SNTB1: variants seen among roughly 807,000 people sequenced by gnomAD.
SNTB1 encodes the protein beta-1-syntrophin.
A neutral mutation model predicts 48.9 loss-of-function variants in SNTB1; 36 were observed. That is an observed-to-expected ratio of 0.74 (90% CI 0.56 to 0.97). The LOEUF is 0.97. Among genes scored for constraint, SNTB1 ranks in the 50% least tolerant of loss-of-function variants. The pLI, the probability that SNTB1 is intolerant of heterozygous loss-of-function variation, is 0.00. For missense variants in SNTB1, 786 were observed against 703.4 expected (o/e 1.12, Z -1.33); for synonymous variants, 299 against 294.6 (o/e 1.01, Z -0.15).
intron 2 of SNTB1, among the ~76,000 whole-genome samples, chr8:120,652,812 A>G (rs1817430492): frequency 6.6e-6 from 1 of 152,174 alleles, no homozygotes; most frequent in Admixed American, 6.5e-5. Flanking sequence ...GCATTTTAAG[A>G]CTTTCTGTTG....
chr8:120,558,524 A>C (rs1815605019), intron 4 of SNTB1, among the ~76,000 whole-genome samples: 1 of 152,236 alleles, frequency 6.6e-6, no homozygotes, highest in African/African-American at 2.4e-5. Flanking sequence ...AAATCCCAGA[A>C]AGATTTTACA....
chr8:120,744,121 A>ATTTTT (rs35604534), intron 1 of SNTB1, among the ~76,000 whole-genome samples: 2 of 136,106 alleles, frequency 1.5e-5, no homozygotes, highest in South Asian at 2.6e-4. Flanking sequence ...CCCTGTCTCA[A>ATTTTT]TTTTTTTTTT....
At chr8:120,541,761 T>G in intron 6 of SNTB1, 49 bp downstream of exon 6, 27 of 1,375,514 alleles carry the variant, frequency 2.0e-5, no homozygotes, top group Non-Finnish European at 2.7e-5. Context: ...TGTTGCATAA[T>G]GAAATATTAA....
chr8:120,562,631 G>A (rs1475264099), intron 4 of SNTB1, among the ~76,000 whole-genome samples: 1 of 152,174 alleles, frequency 6.6e-6, no homozygotes, highest in Admixed American at 6.5e-5. Flanking sequence ...CTACCAGTGA[G>A]GATGCCTCCC....
chr8:120,769,162 G>A (rs1449478928), intron 1 of SNTB1: 1 of 152,136 alleles, frequency 6.6e-6, no homozygotes, highest in Admixed American at 6.5e-5. Flanking sequence ...GGGCAAAAGG[G>A]GTAGAACAAG....
intron 4 of SNTB1, chr8:120,571,390 A>G (rs1443374410): frequency 7.9e-7 from 1 of 1,265,354 alleles, no homozygotes; most frequent in African/African-American, 1.5e-5. Context: ...ACAGAAAGCA[A>G]TAGCGATTGG....
intron 3 of SNTB1, among the ~76,000 whole-genome samples, chr8:120,577,501 G>A (rs904049627): frequency 6.6e-6 from 1 of 152,122 alleles, no homozygotes; most frequent in Admixed American, 6.5e-5. Flanking sequence ...GGGGTAGGGG[G>A]AAGGGGGTTC....
At chr8:120,740,417 A>G (rs1348242140) in intron 1 of SNTB1, among the ~76,000 whole-genome samples, 1 of 152,226 alleles carries the variant, frequency 6.6e-6, no homozygotes, top group Admixed American at 6.5e-5. Flanking sequence ...ACTAATATTT[A>G]CGGAGCATTT....
At chr8:120,795,925 A>G (rs905488147) in intron 1 of SNTB1, among the ~76,000 whole-genome samples, 5 of 151,944 alleles carry the variant, frequency 3.3e-5, no homozygotes, top group African/African-American at 1.2e-4. Context: ...TAAAGCCACC[A>G]GTCTTACTGG....
chr8:120,571,027 C>T, intron 4 of SNTB1: 2 of 368,568 alleles, frequency 5.4e-6, no homozygotes, highest in Non-Finnish European at 8.9e-6. Flanking sequence ...TTTTTCACCT[C>T]TTTATCCCTT....
intron 3 of SNTB1, among the ~76,000 whole-genome samples, chr8:120,607,354 A>G (rs963582300): frequency 3.9e-5 from 6 of 152,222 alleles, no homozygotes; most frequent in Non-Finnish European, 7.4e-5. Flanking sequence ...TGCAATCCCA[A>G]TGAACTTGCC....
intron 1 of SNTB1, among the ~76,000 whole-genome samples, chr8:120,705,913 T>C (rs1818370890): frequency 6.6e-6 from 1 of 152,164 alleles, no homozygotes; most frequent in South Asian, 2.1e-4. Flanking sequence ...TGTAGTGGTT[T>C]AAAATATGAG....
chr8:120,565,246 G>A (rs900412820), intron 4 of SNTB1, among the ~76,000 whole-genome samples: 3 of 151,982 alleles, frequency 2.0e-5, no homozygotes, highest in African/African-American at 7.3e-5. Flanking sequence ...ATAGAAGAGG[G>A]GTTAACAAAT....
intron 3 of SNTB1, among the ~76,000 whole-genome samples, chr8:120,579,196 AC>A (rs1342398851): frequency 6.6e-6 from 1 of 151,728 alleles, no homozygotes; most frequent in Non-Finnish European, 1.5e-5. Context: ...AAACAAACAA[AC>A]AAACAAACAA....
At chr8:120,665,980 A>T (rs1817667136) in intron 2 of SNTB1, among the ~76,000 whole-genome samples, 1 of 152,170 alleles carries the variant, frequency 6.6e-6, no homozygotes, top group Non-Finnish European at 1.5e-5. Context: ...TTATAAAAAG[A>T]CTAGAATGAA....
At chr8:120,753,281 T>C (rs960500926) in intron 1 of SNTB1, among the ~76,000 whole-genome samples, 11 of 152,148 alleles carry the variant, frequency 7.2e-5, no homozygotes, top group African/African-American at 2.4e-4. Flanking sequence ...GCATCATGCC[T>C]TCAAGATGGT....
intron 1 of SNTB1, among the ~76,000 whole-genome samples, chr8:120,800,340 G>A (rs190348959): frequency 5.3e-4 from 81 of 152,236 alleles, no homozygotes; most frequent in African/African-American, 1.8e-3. Flanking sequence ...ACTCTGGAAA[G>A]TGCTGAAGGA....
chr8:120,565,280 C>A (rs1235328059), intron 4 of SNTB1, among the ~76,000 whole-genome samples: 1 of 152,094 alleles, frequency 6.6e-6, no homozygotes, highest in East Asian at 1.9e-4. Flanking sequence ...ATTTATTTAG[C>A]ACTTGCCATG....
intron 1 of SNTB1, among the ~76,000 whole-genome samples, chr8:120,800,374 C>T (rs1820203341): frequency 6.6e-6 from 1 of 152,100 alleles, no homozygotes; most frequent in Non-Finnish European, 1.5e-5. Flanking sequence ...TTTAGGATAT[C>T]ATATTCAAAT....
Sources: gnomAD v4.1 joint callset for allele counts (sites outside exome capture counted in the v4.1 genomes callset) on GRCh38, gnomAD v4.1.1 for gene constraint, MANE v1.5 for transcripts, NCBI Gene and HGNC (gene_info 2026-07-23, HGNC 2026-07-21) for gene names.